GSDME: variants seen among roughly 807,000 people sequenced by gnomAD.
GSDME encodes gasdermin-E.
GSDME carries 44 observed loss-of-function variants against 47.5 expected under a neutral mutation model. The ratio of observed to expected loss-of-function variants is 0.93; its 90% CI spans 0.73 to 1.19. The LOEUF is 1.19. Among genes scored for constraint, GSDME ranks in the 50% most tolerant of loss-of-function variants. The pLI is 0.00. For synonymous variants in GSDME, 258 were observed against 252.8 expected (o/e 1.02, Z -0.20); for missense variants, 663 against 604.2 (o/e 1.10, Z -1.02).
chr7:24,722,298 G>A (rs1477013613), intron 3 of GSDME, among the ~76,000 whole-genome samples: 6 of 152,200 alleles, frequency 3.9e-5, no homozygotes, highest in African/African-American at 1.4e-4. Flanking sequence ...CGGAAGATGG[G>A]GGAAATGGAG....
At chr7:24,701,567 C>CTT (rs139951577) in intron 9 of GSDME, among the ~76,000 whole-genome samples, 1,762 of 152,280 alleles carry the variant, frequency 0.012, 32 homozygotes, top group African/African-American at 0.039. Flanking sequence ...GAAGGACTAA[C>CTT]TTAGTAAATG....
At chr7:24,699,332 G>C in intron 9 of GSDME, 73 bp from the exon 10 acceptor site, 1 of 1,178,018 alleles carries the variant, frequency 8.5e-7, no homozygotes, top group South Asian at 1.3e-5. Flanking sequence ...TAATGCACTT[G>C]TAGGTAATTC....
rs1480698314 is a variant in GSDME at position 24,742,082 on chromosome 7, C to T, written c.404+2480G>A. Among the ~76,000 whole-genome samples the T allele has an allele frequency of 1.3e-5, 2 of 152,218 alleles. No homozygotes were observed. Among genetic ancestry groups the T allele is most frequent in the Non-Finnish European group, 2.9e-5 (2 of 68,046 alleles). ...TAGGACTCCCGAGTCCAAGTGATCT[C>T]ATCCCTGTGTCCAGGCACCTCCAGG... is the stretch of plus-strand genomic sequence containing the variant. On this transcript the variant is annotated intron_variant, in intron 3 of 9. Coordinates refer to ENST00000645220, the MANE Select transcript of GSDME (RefSeq NM_001127453.2). This position sits in a 1 kb window ranked among gnomAD's most constrained non-coding sequence, Gnocchi z 4.4.
intron 3 of GSDME, among the ~76,000 whole-genome samples, chr7:24,734,214 A>C (rs1442490084): frequency 1.3e-5 from 2 of 152,258 alleles, no homozygotes; most frequent in Non-Finnish European, 2.9e-5. Flanking sequence ...CCACACAGTT[A>C]CTGGGCTTTG....
chr7:24,759,435 G>A (rs1189348081), upstream of GSDME, among the ~76,000 whole-genome samples: 3 of 152,074 alleles, frequency 2.0e-5, no homozygotes, highest in South Asian at 2.1e-4. Flanking sequence ...TTAAATGCCC[G>A]AGGAAGATAG....
intron 6 of GSDME, 116 bp from the exon 7 acceptor site, chr7:24,708,370 G>T (rs1584053410): frequency 8.0e-7 from 1 of 1,254,238 alleles, no homozygotes; most frequent in Non-Finnish European, 1.1e-6. Flanking sequence ...GATATTCCCA[G>T]CTGCATAGTC....
At chr7:24,757,641 T>C (rs1791087801), upstream of GSDME, 3 of 152,220 alleles carry the variant, frequency 2.0e-5, no homozygotes, top group Admixed American at 2.0e-4. The surrounding 1 kb of genome is among the most constrained non-coding windows in gnomAD (Gnocchi z 5.9). Flanking sequence ...CGTGTGACTC[T>C]CTGGGAGCCG....
rs750210785 is a variant in GSDME, at chr7:24,742,256, A to G, written c.404+2306T>C. Among the ~76,000 whole-genome samples the G allele has an allele frequency of 6.6e-6, 1 of 152,210 alleles. No individual in the cohort carries two copies. The highest frequency in any genetic ancestry group is 1.5e-5 in the Non-Finnish European group (1 of 68,042). On this transcript the variant is annotated intron_variant, in intron 3 of 9. Coordinates refer to ENST00000645220, the MANE Select transcript of GSDME (RefSeq NM_001127453.2). This position sits in a 1 kb window ranked among gnomAD's most constrained non-coding sequence, Gnocchi z 4.4. ...TTAAGACTTTTACATGATTTAGAGG[A>G]AAGAACAGGAGCTTTGGAGCCAGAA...
chr7:24,788,229 C>T, the GSDME span, among the ~76,000 whole-genome samples: 2 of 152,214 alleles, frequency 1.3e-5, no homozygotes, highest in Admixed American at 6.5e-5. This position sits in a 1 kb window ranked among gnomAD's most constrained non-coding sequence, Gnocchi z 4.6. Context: ...CTAAGAACTG[C>T]ACCCTGGGGC....
intron 9 of GSDME, chr7:24,702,279 A>G: frequency 8.5e-6 from 2 of 234,306 alleles, no homozygotes; most frequent in Non-Finnish European, 1.7e-5. Context: ...ACATTTCCAG[A>G]GGGGGCACCA....
chr7:24,748,709 T>C (rs118158135), intron 2 of GSDME, among the ~76,000 whole-genome samples: 1 of 152,274 alleles, frequency 6.6e-6, no homozygotes, highest in East Asian at 1.9e-4. Context: ...GACAAGCTGA[T>C]AAGAGATTCC....
At chr7:24,731,077 G>C (rs1303919923) in intron 3 of GSDME, among the ~76,000 whole-genome samples, 1 of 152,216 alleles carries the variant, frequency 6.6e-6, no homozygotes, top group Non-Finnish European at 1.5e-5. Context: ...ATTTAGTGTG[G>C]CCTGGGGGTC....
intron 8 of GSDME, chr7:24,704,020 A>G (rs1233897257): frequency 6.6e-6 from 1 of 152,154 alleles, no homozygotes; most frequent in Non-Finnish European, 1.5e-5. Context: ...TGAGTCCCAT[A>G]TTACCCATTT....
chr7:24,706,841 G>T (rs1430358665), intron 7 of GSDME, among the ~76,000 whole-genome samples: 1 of 152,128 alleles, frequency 6.6e-6, no homozygotes, highest in East Asian at 1.9e-4. Flanking sequence ...AGCCAGTTCG[G>T]ACCACCCCGC....
intron 5 of GSDME, 134 bp from the exon 6 acceptor site, chr7:24,710,522 C>T: frequency 3.6e-6 from 3 of 841,716 alleles, no homozygotes; most frequent in South Asian, 1.5e-5. Context: ...CATCCATCTT[C>T]CCCATAAAAT....
rs1264577368 is a variant in GSDME at position 24,725,582 on chromosome 7, A to G, written c.405-6364T>C. On this transcript the variant is annotated intron_variant, in intron 3 of 9. Coordinates refer to ENST00000645220, the MANE Select transcript of GSDME (RefSeq NM_001127453.2). This position sits in a 1 kb window ranked among gnomAD's most constrained non-coding sequence, Gnocchi z 5.1. ...GGCTCACAACTCTAAGGGGGTGCGC[A>G]TGAGAGGGTCGTGATCGATTGAGCA... 1.3e-5 allele frequency among the ~76,000 whole-genome samples: 2 copies of G among 152,174 alleles called. No individual in the cohort carries two copies. Among genetic ancestry groups the G allele is most frequent in the African/African-American group, 4.8e-5 (2 of 41,440 alleles).
At chr7:24,719,590 C>T (rs71535706) in intron 3 of GSDME, among the ~76,000 whole-genome samples, 5,834 of 151,730 alleles carry the variant, frequency 0.038, 156 homozygotes, top group Non-Finnish European at 0.057. Flanking sequence ...GTCAAGAGTT[C>T]GAGACCAGCC....
At chr7:24,741,438 G>C (rs1233773788) in intron 3 of GSDME, among the ~76,000 whole-genome samples, 6 of 152,004 alleles carry the variant, frequency 3.9e-5, no homozygotes. Context: ...AGAATGCTAA[G>C]ATCTGCACAG....
At chr7:24,707,933 GA>G (rs981934562) in intron 7 of GSDME, 193 bp downstream of exon 7, 1 of 648,514 alleles carries the variant, frequency 1.5e-6, no homozygotes, top group Non-Finnish European at 2.6e-6. Flanking sequence ...GCAGCCCTAG[GA>G]AATTAACACC....
Sources: allele counts gnomAD v4.1 joint callset (sites outside exome capture counted in the v4.1 genomes callset), GRCh38; gene constraint gnomAD v4.1.1; non-coding constraint Gnocchi (gnomAD v3.1); transcripts MANE v1.5; gene names NCBI Gene and HGNC (gene_info 2026-07-23, HGNC 2026-07-21).